Variants in ATAD5 observed in about 807,000 individuals in gnomAD.
ATAD5 encodes the protein ATPase family AAA domain containing 5, also known as ATPase family AAA domain-containing protein 5.
A neutral mutation model predicts 176.9 loss-of-function variants in ATAD5; 58 were observed. The observed-to-expected ratio is 0.33, with a 90% CI of 0.27 to 0.41. The LOEUF is 0.41. Among genes scored for constraint, ATAD5 ranks in the 10% least tolerant of loss-of-function variants. The probability of loss-of-function intolerance (pLI) is 1.00; values close to 1 mark genes in which losing one functional copy is unlikely to be tolerated. For synonymous variants in ATAD5, 640 were observed against 712.6 expected, an observed-to-expected ratio of 0.90 and a Z score of 1.62; for missense variants, 1,789 against 2,094.1, an observed-to-expected ratio of 0.85 and a Z score of 2.84.
chr17:30,858,161 T>G lies in ATAD5; in HGVS notation c.2794T>G (p.Phe932Val). ...KLKSGNSAAVFMRTRKEFTEE... is the reference protein window; with the variant it reads ...KLKSGNSAAVVMRTRKEFTEE... The stretch of plus-strand genomic sequence containing the variant: ...TTGTGCATTTTATTCTTTATTGCAG[T>G]TCATGAGGACAAGGAAGGAATTTAC... The change falls in exon 9 of 23, where the codon TTC (phenylalanine) becomes GTC (valine). Residue 932 changes from phenylalanine to valine, a missense_variant and splice_region_variant. This residue lies in a region of ATAD5 where 487 missense variants were observed against 573.6 expected (regional missense o/e 0.85). Transcript: ENST00000321990. 1 of 1,542,452 alleles carries G rather than the reference T, an allele frequency of 6.5e-7. No individual in the cohort carries two copies. The highest frequency in any genetic ancestry group is 8.7e-7 in the Non-Finnish European group (1 of 1,146,396).
chr17:30,873,179 A>C (rs1281655822), intron 14 of ATAD5, among the ~76,000 whole-genome samples: 1 of 152,062 alleles, frequency 6.6e-6, no homozygotes, highest in Admixed American at 6.6e-5. Context: ...GCAAGGAACT[A>C]TTTTAATTGG....
At chr17:30,892,222 C>T (rs533118872) in intron 19 of ATAD5, among the ~76,000 whole-genome samples, 1 of 151,390 alleles carries the variant, frequency 6.6e-6, no homozygotes, top group Non-Finnish European at 1.5e-5. Flanking sequence ...GTCAAGAGTT[C>T]GAGATCAGCC....
chr17:30,852,296 A>G (rs1907016247), intron 6 of ATAD5, among the ~76,000 whole-genome samples: 1 of 152,068 alleles, frequency 6.6e-6, no homozygotes, highest in African/African-American at 2.4e-5. Flanking sequence ...ACATGTCCTC[A>G]TAATTTATGG....
At chr17:30,871,370 G>T (rs139016177) in intron 14 of ATAD5, among the ~76,000 whole-genome samples, 2 of 150,898 alleles carry the variant, frequency 1.3e-5, no homozygotes, top group African/African-American at 4.9e-5. Context: ...TTTTTGAAAC[G>T]GAGTCTCGCA....
chr17:30,879,542 G>T, intron 18 of ATAD5, 55 bp downstream of exon 18: 22 of 1,400,954 alleles, frequency 1.6e-5, no homozygotes, highest in South Asian at 2.5e-5. Context: ...TGTAAAAGTA[G>T]TTTATTATTA....
intron 3 of ATAD5, among the ~76,000 whole-genome samples, chr17:30,839,367 C>G (rs1341567215): frequency 2.0e-5 from 3 of 148,022 alleles, no homozygotes; most frequent in African/African-American, 7.5e-5. Flanking sequence ...GCTCACTGCA[C>G]TCTGCTTCAC....
At chr17:30,865,362 C>T (rs1472876311) in intron 10 of ATAD5, among the ~76,000 whole-genome samples, 2 of 151,890 alleles carry the variant, frequency 1.3e-5, no homozygotes, top group Non-Finnish European at 2.9e-5. Flanking sequence ...TTAGTAGAGA[C>T]GGGGTTTCAC....
chr17:30,841,816 T>C (rs1479052213), intron 4 of ATAD5, among the ~76,000 whole-genome samples: 1 of 152,222 alleles, frequency 6.6e-6, no homozygotes, highest in Non-Finnish European at 1.5e-5. Context: ...ATTTCTTTTC[T>C]TTCTGTTGCC....
Position 30,894,997 on chromosome 17 carries a change from G to T in ATAD5, c.*84G>T. 1.1e-6 allele frequency: 1 copy of T among 869,988 alleles called. No individual in the cohort carries two copies. Among genetic ancestry groups the T allele is most frequent in the South Asian group, 3.1e-5 (1 of 32,686 alleles). The allele number at this position is 869,988 out of a possible 1,614,324, so 53.9% of individuals were successfully genotyped here. ...ATATTATGTGGATCTTCATGGAAAA[G>T]TATATTTCTCGATGTACATTTTAAA... On this transcript the variant is annotated 3_prime_UTR_variant, in exon 23 of 23. Transcript: ENST00000321990.
At chr17:30,882,431 A>G (rs906685215) in intron 18 of ATAD5, among the ~76,000 whole-genome samples, 10 of 151,922 alleles carry the variant, frequency 6.6e-5, no homozygotes, top group African/African-American at 2.4e-4. Flanking sequence ...GGATGTAAAA[A>G]GAAAAAAAAT....
Position 30,892,707 on chromosome 17 carries a change from A to G in ATAD5, c.4359A>G (p.Lys1453=). The G allele has an allele frequency of 6.2e-7, 1 of 1,606,034 alleles. No homozygotes were observed. Among genetic ancestry groups the G allele is most frequent in the South Asian group, 1.1e-5 (1 of 89,134 alleles). ...NTKKKRVDLP[K]CDSGCAETLF... ...AAAAGAAACGTGTAGACCTTCCAAA[A>G]TGTGACAGTGGCTGTGCTGAGACCT... Residue 1453 remains lysine, a synonymous_variant, in exon 20 of 23, where the codon AAA becomes AAG. Coordinates refer to ENST00000321990, the MANE Select transcript of ATAD5 (RefSeq NM_024857.5).
intron 14 of ATAD5, among the ~76,000 whole-genome samples, chr17:30,871,472 C>T (rs905667519): frequency 2.4e-4 from 37 of 151,534 alleles, no homozygotes; most frequent in Admixed American, 2.0e-4. Flanking sequence ...CTCAGCCTCC[C>T]GAGTAGCTGG....
At position 30,844,978 on chromosome 17, in the gene ATAD5, G is replaced by C; in HGVS notation, c.2450+62G>C. On this transcript the variant is annotated intron_variant, in intron 6 of 22. Transcript: ENST00000321990. Reference sequence around the variant, plus strand: ...TTATAGAATGTATTTGTATTGATGTGTTTACTTTGATGAGAAAGCATGTGA... The same window carrying C: ...TTATAGAATGTATTTGTATTGATGTCTTTACTTTGATGAGAAAGCATGTGA... 5.2e-6 allele frequency: 7 copies of C among 1,357,922 alleles called. No homozygotes were observed. The South Asian group carries it at 9.3e-5, about 18-fold the overall frequency. 84.1% of individuals were successfully genotyped at this position (1,357,922 alleles called of 1,614,324 possible). A position where few individuals can be genotyped will look rare whatever the true frequency, so the allele number is the denominator to read the frequency against.
intron 10 of ATAD5, among the ~76,000 whole-genome samples, chr17:30,863,216 CTCTGG>C (rs1356380293): frequency 1.3e-5 from 2 of 151,994 alleles, no homozygotes; most frequent in Non-Finnish European, 2.9e-5. Context: ...CACATCTAAC[CTCTGG>C]TCATAGTCAA....
chr17:30,842,864 C>T (rs1906214973), intron 4 of ATAD5, among the ~76,000 whole-genome samples: 1 of 152,074 alleles, frequency 6.6e-6, no homozygotes, highest in African/African-American at 2.4e-5. Flanking sequence ...CTGCCTCAGC[C>T]TCTCGAGTAG....
At chr17:30,866,805 ACT>A (rs1347032508) in intron 11 of ATAD5, among the ~76,000 whole-genome samples, 1 of 152,124 alleles carries the variant, frequency 6.6e-6, no homozygotes. Flanking sequence ...ACAGAGTAAG[ACT>A]CTGTCCCAAA....
rs769224595 is a variant in ATAD5 at position 30,887,277 on chromosome 17, C to A, written c.4163C>A (p.Ala1388Glu). The A allele has an allele frequency of 2.0e-5, 32 of 1,606,544 alleles. No individual in the cohort carries two copies. In the South Asian group the frequency reaches 3.2e-4, roughly 16 times the overall value. The change falls in exon 19 of 23, where the codon GCA (alanine) becomes GAA (glutamate). Residue 1388 changes from alanine to glutamate, a missense_variant. Physicochemically the swap from Ala to Glu is moderately radical, Grantham distance 107 (BLOSUM62 -1). Around this residue, in one of 6 missense-constraint regions of ATAD5, gnomAD observed 194 missense variants for 270.1 expected, o/e 0.72. Transcript: ENST00000321990. Reference sequence around the variant, plus strand: ...AAAGACTTTGTAACCTTGTTAACTGCAAATACTTGTGATATCAGAAAAAGT... The same window carrying A: ...AAAGACTTTGTAACCTTGTTAACTGAAAATACTTGTGATATCAGAAAAAGT... ...DVKDFVTLLTANTCDIRKSIL... is the reference protein window; with the variant it reads ...DVKDFVTLLTENTCDIRKSIL...
At chr17:30,878,736 T>TTG (rs1567696551) in intron 17 of ATAD5, among the ~76,000 whole-genome samples, 2 of 123,566 alleles carry the variant, frequency 1.6e-5, no homozygotes, top group African/African-American at 6.1e-5. Flanking sequence ...TTTTTTTTTT[T>TTG]TTTTTTTTTT....
intron 15 of ATAD5, among the ~76,000 whole-genome samples, 188 bp from the exon 16 acceptor site, chr17:30,877,228 C>T (rs549278688): frequency 2.6e-5 from 4 of 151,528 alleles, no homozygotes; most frequent in East Asian, 3.9e-4. Flanking sequence ...ATGTTGGTCT[C>T]GAAACCCTGA....
Sources: gnomAD v4.1 joint callset for allele counts (sites outside exome capture counted in the v4.1 genomes callset) on GRCh38, gnomAD v4.1.1 for gene constraint, gnomAD v4.1.1 regional missense constraint, MANE v1.5 for transcripts, NCBI Gene and HGNC (gene_info 2026-07-23, HGNC 2026-07-21) for gene names.